TDRD12: variants seen among roughly 807,000 people sequenced by gnomAD.
TDRD12 encodes tudor domain containing 12, also known as putative ATP-dependent RNA helicase TDRD12.
In TDRD12, 158 loss-of-function variants were observed where a neutral mutation model predicts 133.5. That is an observed-to-expected ratio of 1.18 (90% confidence interval 1.04 to 1.35). TDRD12 has a LOEUF of 1.35. TDRD12 is among the 40% of genes most tolerant of loss of function. The pLI is 0.00. For synonymous variants in TDRD12, 460 were observed against 477.9 expected (o/e 0.96, Z 0.49); for missense variants, 1,443 against 1,321.3 (o/e 1.09, Z -1.43).
intron 9 of TDRD12, 103 bp from the exon 33 acceptor site, chr19:32,827,061 T>C: frequency 1.9e-6 from 1 of 521,608 alleles, no homozygotes; most frequent in South Asian, 1.0e-4. Context: ...TACATAGAGC[T>C]GGAACCCAAG....
chr19:32,773,314 A>C (rs986956066), intron 9 of TDRD12, 142 bp from the exon 10 acceptor site: 7 of 706,288 alleles, frequency 9.9e-6, no homozygotes, highest in African/African-American at 1.8e-5. Flanking sequence ...CCAGTTTTTT[A>C]TCTCTCTATC....
In TDRD12 at chr19:32,720,084, C is replaced by A. The variant is rs539331063; in HGVS notation, c.12C>A (p.Leu4=). 1.1e-5 allele frequency: 17 copies of A among 1,548,396 alleles called. No homozygotes were observed. The East Asian group carries it at 3.7e-4, about 33-fold the overall frequency. The change falls in exon 1 of 28, where the codon CTC becomes CTA. Residue 4 remains leucine (L), a synonymous_variant. Coordinates refer to ENST00000444215, the Ensembl canonical transcript of TDRD12. ...CGGGCGCCAGGAGGATGCTCCAGCT[C>A]CTGGTGCTGAAGGTGAGCGCCGCCA...
intron 1 of TDRD12, among the ~76,000 whole-genome samples, chr19:32,721,124 C>T (rs1273977299): frequency 1.5e-4 from 23 of 152,164 alleles, no homozygotes; most frequent in Admixed American, 1.5e-3. Flanking sequence ...ATCCGCTCAC[C>T]GCGTGGGCTC....
At chr19:32,780,653 G>A (rs1198870553) in intron 11 of TDRD12, among the ~76,000 whole-genome samples, 1 of 152,106 alleles carries the variant, frequency 6.6e-6, no homozygotes, top group East Asian at 1.9e-4. Flanking sequence ...ATTCTGGTGA[G>A]ATGAGTGTTC....
At chr19:32,739,773 TG>T (rs1969349615) in intron 3 of TDRD12, among the ~76,000 whole-genome samples, 1 of 86,024 alleles carries the variant, frequency 1.2e-5, no homozygotes, top group African/African-American at 4.6e-5. Flanking sequence ...CATCTCCTGG[TG>T]CTCTCTCTGC....
At position 32,738,905 on chromosome 19, in the gene TDRD12, T is replaced by C. The variant is rs1389732114; in HGVS notation, c.233T>C (p.Val78Ala). The C allele has an allele frequency of 2.6e-6, 4 of 1,551,538 alleles. No homozygotes were observed. The East Asian group carries it at 7.3e-5, about 28-fold the overall frequency. Residue 78 changes from valine (V) to alanine (A), a missense_variant, in exon 3 of 28, where the codon GTC becomes GCC. Transcript: ENST00000444215. ...CTAAAGTGCTGGTGCAGGGCCATTGTCAAATCAATTACGTCTTCCGCAGAC... is the reference window on the plus strand; with the variant it reads ...CTAAAGTGCTGGTGCAGGGCCATTGCCAAATCAATTACGTCTTCCGCAGAC...
exon 8 of TDRD12, chr19:32,826,280 TGTC>T: frequency 6.9e-7 from 1 of 1,454,282 alleles, no homozygotes; most frequent in Non-Finnish European, 9.0e-7. Context: ...AAAAAGAAGA[TGTC>T]GTCATCTTAA....
At chr19:32,827,789 A>T (rs1225063793) in exon 10 of TDRD12, 1 of 152,172 alleles carries the variant, frequency 6.6e-6, no homozygotes. Context: ...TGATGATAAG[A>T]CCATCAAAGG....
intron 9 of TDRD12, 79 bp from the exon 33 acceptor site, chr19:32,827,085 C>A: frequency 1.3e-6 from 1 of 768,242 alleles, no homozygotes; most frequent in Non-Finnish European, 1.8e-6. Context: ...TTTTTTTCTG[C>A]ATTGACCCAA....
At chr19:32,804,305 C>G (rs1971480846) in intron 21 of TDRD12, among the ~76,000 whole-genome samples, 1 of 151,346 alleles carries the variant, frequency 6.6e-6, no homozygotes, top group South Asian at 2.1e-4. Flanking sequence ...ATCTCCTGAC[C>G]TCGTGATCTG....
intron 21 of TDRD12, among the ~76,000 whole-genome samples, chr19:32,805,812 A>C (rs536272133): frequency 6.9e-6 from 1 of 145,628 alleles, no homozygotes; most frequent in African/African-American, 2.6e-5. Context: ...GCTCACTGCA[A>C]CCTCCTCCTT....
chr19:32,781,548 C>A (rs1970766265), intron 11 of TDRD12, among the ~76,000 whole-genome samples: 1 of 152,180 alleles, frequency 6.6e-6, no homozygotes, highest in African/African-American at 2.4e-5. Context: ...AGAGACTTTG[C>A]ATAAATGCTT....
At chr19:32,779,757 GC>G (rs2145625376) in intron 11 of TDRD12, among the ~76,000 whole-genome samples, 1 of 152,272 alleles carries the variant, frequency 6.6e-6, no homozygotes, top group East Asian at 1.9e-4. Context: ...GACCCTCGCA[GC>G]ATTATTTTCA....
intron 15 of TDRD12, 125 bp from the exon 16 acceptor site, chr19:32,798,183 T>A: frequency 2.2e-6 from 2 of 900,036 alleles, no homozygotes; most frequent in South Asian, 1.7e-5. Flanking sequence ...TGGGGTTGAC[T>A]AGGACAGAAA....
At chr19:32,773,808 G>C (rs1970504720) in intron 10 of TDRD12, among the ~76,000 whole-genome samples, 1 of 152,208 alleles carries the variant, frequency 6.6e-6, no homozygotes, top group South Asian at 2.1e-4. Flanking sequence ...CATTTTCAAA[G>C]AGTGGCCCAG....
chr19:32,826,905 G>T (rs547846202), intron 9 of TDRD12, among the ~76,000 whole-genome samples, 156 bp downstream of exon 32: 1 of 152,270 alleles, frequency 6.6e-6, no homozygotes, highest in South Asian at 2.1e-4. Context: ...GGTGCTAAAC[G>T]TTCTGGTTTG....
chr19:32,797,389 C>G (rs776620529), intron 14 of TDRD12, among the ~76,000 whole-genome samples: 2 of 152,180 alleles, frequency 1.3e-5, no homozygotes, highest in Non-Finnish European at 2.9e-5. Flanking sequence ...AGTCCTGTTG[C>G]TACCATGTAT....
intron 3 of TDRD12, among the ~76,000 whole-genome samples, chr19:32,739,298 T>G (rs1279273641): frequency 6.8e-6 from 1 of 148,120 alleles, no homozygotes; most frequent in East Asian, 2.0e-4. Flanking sequence ...TCCTGGCTAC[T>G]CTCTGCATCT....
At chr19:32,807,267 TAAAAAAA>T (rs59421213) in intron 21 of TDRD12, among the ~76,000 whole-genome samples, 22 of 47,204 alleles carry the variant, frequency 4.7e-4, no homozygotes, top group South Asian at 2.4e-3. Flanking sequence ...ACCAAACTCT[TAAAAAAA>T]AAAAAAAAAA....
Sources: gnomAD v4.1 joint callset for allele counts (sites outside exome capture counted in the v4.1 genomes callset) on GRCh38, gnomAD v4.1.1 for gene constraint, MANE v1.5 for transcripts, NCBI Gene and HGNC (gene_info 2026-07-23, HGNC 2026-07-21) for gene names.